PRR5: variants seen among roughly 807,000 people sequenced by gnomAD.
The protein encoded by PRR5 is proline rich 5.
Under a neutral mutation model 30.6 loss-of-function variants are expected in PRR5, and 25 were observed. The ratio of observed to expected loss-of-function variants is 0.82; its 90% confidence interval spans 0.60 to 1.14. The LOEUF (loss-of-function observed/expected upper bound fraction) is 1.14, where lower values mean the gene tolerates loss of function less well. Among genes scored for constraint, PRR5 ranks in the 50% most tolerant of loss-of-function variants. The pLI, the probability that PRR5 is intolerant of heterozygous loss-of-function variation, is 0.00. For synonymous variants in PRR5, 286 were observed against 247.1 expected, an observed-to-expected ratio of 1.16 and a Z score of -1.48; for missense variants, 600 against 547.1, an observed-to-expected ratio of 1.10 and a Z score of -0.96.
chr22:44,702,669 C>A, intron 1 of PRR5, 61 bp downstream of exon 1: 1 of 1,248,140 alleles, frequency 8.0e-7, no homozygotes, highest in Non-Finnish European at 1.0e-6. Context: ...GACCCCTGAG[C>A]CGTCCGCGGG....
chr22:44,678,758 C>T (rs185596383), intron 1 of PRR5, among the ~76,000 whole-genome samples: 181 of 152,344 alleles, frequency 1.2e-3, no homozygotes, highest in African/African-American at 4.1e-3. Context: ...TGGGCCAGCG[C>T]TTGTCATACA....
At chr22:44,685,042 C>T (rs965384267) in intron 1 of PRR5, among the ~76,000 whole-genome samples, 2 of 152,208 alleles carry the variant, frequency 1.3e-5, no homozygotes, top group African/African-American at 4.8e-5. Context: ...CACAGCTGGG[C>T]TCTGATTTCA....
intron 1 of PRR5, among the ~76,000 whole-genome samples, chr22:44,684,816 G>A (rs1283949350): frequency 1.3e-5 from 2 of 152,252 alleles, no homozygotes; most frequent in Non-Finnish European, 2.9e-5. Flanking sequence ...CCACTTGGCC[G>A]TGCTGGGTGA....
In PRR5 at chr22:44,736,846, A is replaced by G. The variant is rs1488852460; in HGVS notation, c.766A>G (p.Asn256Asp). The G allele has an allele frequency of 1.2e-6, 2 of 1,604,000 alleles. No homozygotes were observed. Among genetic ancestry groups the G allele is most frequent in the Non-Finnish European group, 1.7e-6 (2 of 1,173,476 alleles). Residue 256 changes from asparagine to aspartate, a missense_variant, in exon 8 of 8, where the codon AAC becomes GAC. Coordinates refer to ENST00000336985, the MANE Select transcript of PRR5 (RefSeq NM_181333.4). ...KNPVVRSKSY[N>D]TPLLNPVQEH... ...CCCTGTGGTGCGCTCCAAGAGCTAC[A>G]ACACGCCTCTGCTGAACCCCGTGCA...
chr22:44,726,483 G>C, intron 3 of PRR5, 94 bp from the exon 4 acceptor site: 1 of 1,578,722 alleles, frequency 6.3e-7, no homozygotes, highest in Non-Finnish European at 8.6e-7. Flanking sequence ...AGCCTTGGCT[G>C]CTCACTGGTG....
In PRR5 at chr22:44,737,232, G is replaced by A; in HGVS notation, c.1152G>A (p.Arg384=). 6.2e-7 allele frequency: 1 copy of A among 1,602,344 alleles called. No individual in the cohort carries two copies. The highest frequency in any genetic ancestry group is 8.5e-7 in the Non-Finnish European group (1 of 1,172,142). ...CCGACTTGGAGGGCTCTGGGGGCCGGCAGAGTGTCGTGTGAGGCCTCACAG... is the reference window on the plus strand; with the variant it reads ...CCGACTTGGAGGGCTCTGGGGGCCGACAGAGTGTCGTGTGAGGCCTCACAG... The part of the protein sequence containing the change: ...GMSDLEGSGG[R]QSVV Residue 384 remains arginine (R), a synonymous_variant, in exon 8 of 8, where the codon CGG becomes CGA. Coordinates refer to ENST00000336985, the MANE Select transcript of PRR5 (RefSeq NM_181333.4).
chr22:44,730,538 C>G, intron 4 of PRR5: 2 of 989,018 alleles, frequency 2.0e-6, no homozygotes, highest in African/African-American at 3.5e-5. Context: ...GTGCATGGCA[C>G]CGTTCCTCTC....
intron 1 of PRR5, among the ~76,000 whole-genome samples, chr22:44,686,864 G>A (rs773617385): frequency 1.3e-5 from 2 of 152,036 alleles, no homozygotes; most frequent in Non-Finnish European, 1.5e-5. Flanking sequence ...TGCCCACCTC[G>A]ACCTCCCAAA....
chr22:44,696,183 C>A (rs1925730490), intron 1 of PRR5, among the ~76,000 whole-genome samples: 1 of 152,050 alleles, frequency 6.6e-6, no homozygotes, highest in Non-Finnish European at 1.5e-5. Context: ...CTCAGCCTCC[C>A]AAAGTGCTGG....
upstream of PRR5, among the ~76,000 whole-genome samples, chr22:44,697,504 G>A (rs1486219021): frequency 6.6e-6 from 1 of 152,252 alleles, no homozygotes; most frequent in Non-Finnish European, 1.5e-5. Flanking sequence ...GCCTCTTCCA[G>A]GGTGTCCGGG....
At chr22:44,729,085 TG>T (rs945820638) in intron 4 of PRR5, among the ~76,000 whole-genome samples, 11 of 152,178 alleles carry the variant, frequency 7.2e-5, no homozygotes, top group Non-Finnish European at 1.5e-5. Flanking sequence ...GGTCCTCTGC[TG>T]GGCCCTGGGA....
intron 1 of PRR5, among the ~76,000 whole-genome samples, chr22:44,690,313 G>A (rs1925131960): frequency 6.6e-6 from 1 of 152,170 alleles, no homozygotes; most frequent in East Asian, 1.9e-4. Flanking sequence ...CCAGTCTGAT[G>A]GAGGAGACAA....
At chr22:44,684,414 C>T (rs1041841373) in intron 1 of PRR5, among the ~76,000 whole-genome samples, 2 of 152,272 alleles carry the variant, frequency 1.3e-5, no homozygotes, top group Middle Eastern at 3.4e-3. Context: ...GGCGTGGTGG[C>T]GGCAGCTGAG....
chr22:44,736,987 C>A lies in PRR5; in HGVS notation c.907C>A (p.Pro303Thr). The A allele has an allele frequency of 6.2e-7, 1 of 1,600,248 alleles. No individual in the cohort carries two copies. Among genetic ancestry groups the A allele is most frequent in the Non-Finnish European group, 8.5e-7 (1 of 1,173,792 alleles). ...QGFSDPPGQG[P>T]TGTFRSSPAP... Reference sequence around the variant, plus strand: ...CTTCTCCGACCCGCCCGGCCAGGGCCCCACCGGGACCTTCAGGTCCTCCCC... The same window carrying A: ...CTTCTCCGACCCGCCCGGCCAGGGCACCACCGGGACCTTCAGGTCCTCCCC... The change falls in exon 8 of 8, where the codon CCC becomes ACC. Residue 303 changes from proline to threonine, a missense_variant. By Grantham distance (38) the Pro-to-Thr change is conservative. Transcript: ENST00000336985.
chr22:44,704,513 G>T (rs1926879788), intron 1 of PRR5, among the ~76,000 whole-genome samples: 2 of 152,064 alleles, frequency 1.3e-5, no homozygotes, highest in South Asian at 4.1e-4. Flanking sequence ...CTGGCAGATT[G>T]CAGAGAAATG....
intron 1 of PRR5, among the ~76,000 whole-genome samples, chr22:44,712,235 C>T (rs1262071458): frequency 4.6e-5 from 7 of 152,140 alleles, no homozygotes; most frequent in Admixed American, 3.9e-4. Context: ...CCGGTGCAGT[C>T]GGGCACCCCA....
At chr22:44,730,629 T>A in intron 4 of PRR5, 4 of 1,010,372 alleles carry the variant, frequency 4.0e-6, no homozygotes, top group Non-Finnish European at 3.5e-6. Flanking sequence ...TGTCAAGATG[T>A]GTCCCCATAC....
At chr22:44,671,071 G>A (rs1601939058) in intron 1 of PRR5, among the ~76,000 whole-genome samples, 1 of 152,206 alleles carries the variant, frequency 6.6e-6, no homozygotes, top group African/African-American at 2.4e-5. Context: ...AACCCAGGCA[G>A]AAACAGACAG....
intron 1 of PRR5, among the ~76,000 whole-genome samples, chr22:44,682,637 C>A (rs9626519): frequency 0.09 from 13,672 of 152,152 alleles, 768 homozygotes; most frequent in East Asian, 0.27. Context: ...CAGGCCTGGC[C>A]CATAGGAGGT....
Sources: allele counts gnomAD v4.1 joint callset (sites outside exome capture counted in the v4.1 genomes callset), GRCh38; gene constraint gnomAD v4.1.1; transcripts MANE v1.5; gene names NCBI Gene and HGNC (gene_info 2026-07-23, HGNC 2026-07-21).